The following PRKACB variants were observed in gnomAD, a reference collection of about 807,000 sequenced individuals.
The protein encoded by PRKACB is cAMP-dependent protein kinase catalytic subunit beta.
In PRKACB, 16 loss-of-function variants were observed where a neutral mutation model predicts 51.4. The observed-to-expected ratio is 0.31, with a 90% CI of 0.21 to 0.47. The LOEUF (loss-of-function observed/expected upper bound fraction) is 0.47, where lower values mean the gene tolerates loss of function less well. Ranked by LOEUF, PRKACB falls within the 20% of genes least tolerant of loss-of-function variation. The probability of loss-of-function intolerance (pLI) is 1.00; values close to 1 mark genes in which losing one functional copy is unlikely to be tolerated. For missense variants in PRKACB, 309 were observed against 464.5 expected (o/e 0.67, Z 3.08); for synonymous variants, 147 against 154.4 (o/e 0.95, Z 0.35).
intron 1 of PRKACB, among the ~76,000 whole-genome samples, chr1:84,120,888 T>G (rs1477032803): frequency 6.6e-6 from 1 of 151,864 alleles, no homozygotes; most frequent in Non-Finnish European, 1.5e-5. Flanking sequence ...TTTTTATGGT[T>G]GAAGAAACAC....
At chr1:84,088,350 C>T (rs906012336) in intron 1 of PRKACB, among the ~76,000 whole-genome samples, 2 of 152,136 alleles carry the variant, frequency 1.3e-5, no homozygotes, top group African/African-American at 2.4e-5. Flanking sequence ...CCTGTTTTCT[C>T]GATCTGGACT....
intron 1 of PRKACB, among the ~76,000 whole-genome samples, chr1:84,124,816 T>C (rs1651420653): frequency 6.6e-6 from 1 of 152,192 alleles, no homozygotes; most frequent in South Asian, 2.1e-4. Flanking sequence ...TACCTGGCTA[T>C]AGTCTTGGCT....
chr1:84,086,308 C>T (rs1647982856), intron 1 of PRKACB: 2 of 924,770 alleles, frequency 2.2e-6, no homozygotes, highest in Non-Finnish European at 3.4e-6. Flanking sequence ...CTGCCTCCCT[C>T]CTGTCTGGCC....
chr1:84,144,624 A>G, intron 1 of PRKACB, 76 bp downstream of exon 1: 1 of 1,395,086 alleles, frequency 7.2e-7, no homozygotes, highest in Non-Finnish European at 9.7e-7. Context: ...TCAAACATAA[A>G]GAACCCTCTT....
chr1:84,225,973 T>G (rs566585798), intron 9 of PRKACB, among the ~76,000 whole-genome samples: 7 of 152,354 alleles, frequency 4.6e-5, no homozygotes, highest in African/African-American at 1.7e-4. Flanking sequence ...GGTCCTTCTT[T>G]GTGGAGGAGA....
At chr1:84,087,634 C>T (rs1648118945) in intron 1 of PRKACB, among the ~76,000 whole-genome samples, 1 of 152,084 alleles carries the variant, frequency 6.6e-6, no homozygotes, top group Non-Finnish European at 1.5e-5. Flanking sequence ...TGGGCTCAGG[C>T]AGTCCTGCGT....
At chr1:84,174,926 AT>A in intron 1 of PRKACB, 1 of 1,004,840 alleles carries the variant, frequency 1.0e-6, no homozygotes, top group East Asian at 3.5e-5. Flanking sequence ...CTACATTAAC[AT>A]TTTATTTCTG....
rs1293487032 is a variant in PRKACB, at chr1:84,237,431, A to G, written c.*2126A>G. On this transcript the variant is annotated 3_prime_UTR_variant, in exon 10 of 10. Transcript: ENST00000370685. Reference sequence around the variant, plus strand: ...AAAAAGATTTCTATGAATTCTAAAAAATATTTTTTTCTATGAAATTACTAG... The same window carrying G: ...AAAAAGATTTCTATGAATTCTAAAAGATATTTTTTTCTATGAAATTACTAG... 6.6e-6 allele frequency: 1 copy of G among 152,520 alleles called. No homozygotes were observed. Among genetic ancestry groups the G allele is most frequent in the African/African-American group, 2.4e-5 (1 of 41,436 alleles). 9.4% of individuals were successfully genotyped at this position (152,520 alleles called of 1,614,324 possible).
In PRKACB at chr1:84,175,674, G is replaced by A. The variant is rs369099351; in HGVS notation, c.188-3503G>A. ...TATAAATACATTGAAAAATTTGAGG[G>A]GGGATAAGAAGTAAGTTGTGTTTTT... On this transcript the variant is annotated intron_variant, in intron 1 of 9. Coordinates refer to ENST00000370685, the MANE Select transcript of PRKACB (RefSeq NM_182948.4). 1.0e-3 allele frequency: 742 copies of A among 721,054 alleles called. 15 individuals are homozygous for A. In the South Asian group the frequency reaches 0.017, roughly 17 times the overall value. 44.7% of individuals were successfully genotyped at this position (721,054 alleles called of 1,614,324 possible).
intron 7 of PRKACB, among the ~76,000 whole-genome samples, chr1:84,200,265 G>T (rs955259300): frequency 1.1e-4 from 16 of 151,958 alleles, no homozygotes; most frequent in African/African-American, 3.9e-4. Flanking sequence ...TCATATCTTT[G>T]TTGGCCGCAT....
At chr1:84,177,784 C>T (rs1016821032) in intron 1 of PRKACB, among the ~76,000 whole-genome samples, 1 of 151,800 alleles carries the variant, frequency 6.6e-6, no homozygotes, top group African/African-American at 2.4e-5. Context: ...AAGAATTTGC[C>T]ACCCTTAATC....
chr1:84,234,726 G>C (rs1449538495), intron 9 of PRKACB, among the ~76,000 whole-genome samples: 1 of 152,200 alleles, frequency 6.6e-6, no homozygotes, highest in Admixed American at 6.5e-5. Flanking sequence ...GGAACTCCCT[G>C]ACCCCTTGCG....
chr1:84,094,084 AT>A lies in PRKACB; in HGVS notation c.46+15721del, dbSNP rs913726950. On this transcript the variant is annotated intron_variant, in intron 1 of 8. Coordinates refer to the PRKACB transcript ENST00000370688. Reference sequence around the variant, plus strand: ...AGTTTTTTCCTTTTAGTCCTTATACATTTTTTTTGCCTTATTGCACTGATTA... The same window carrying A: ...AGTTTTTTCCTTTTAGTCCTTATACATTTTTTTGCCTTATTGCACTGATTA... Among the ~76,000 whole-genome samples, 7 of 151,314 alleles carry A rather than the reference AT, an allele frequency of 4.6e-5. No individual in the cohort carries two copies. The East Asian group carries it at 5.8e-4, about 13-fold the overall frequency.
chr1:84,103,882 A>C (rs886987378), intron 1 of PRKACB, among the ~76,000 whole-genome samples: 1 of 152,218 alleles, frequency 6.6e-6, no homozygotes, highest in Admixed American at 6.5e-5. Context: ...TAGGATACAG[A>C]GTAATATTTT....
At chr1:84,083,536 C>T (rs78330882) in intron 1 of PRKACB, among the ~76,000 whole-genome samples, 11,966 of 152,168 alleles carry the variant, frequency 0.079, 668 homozygotes, top group Non-Finnish European at 0.11. Context: ...AGAAGCAGCA[C>T]GTGAGAAGGT....
intron 9 of PRKACB, among the ~76,000 whole-genome samples, chr1:84,215,676 A>C (rs1201913225): frequency 6.6e-6 from 1 of 152,164 alleles, no homozygotes; most frequent in African/African-American, 2.4e-5. Context: ...TTTTTGCTAC[A>C]CAAGTTGCCA....
chr1:84,113,850 T>C (rs1256148105), intron 1 of PRKACB, among the ~76,000 whole-genome samples: 1 of 152,016 alleles, frequency 6.6e-6, no homozygotes, highest in African/African-American at 2.4e-5. Context: ...GAATGGAAAA[T>C]GACCACAAAT....
At position 84,190,857 on chromosome 1, in the gene PRKACB, T is replaced by C. The variant is rs562818517; in HGVS notation, c.560+5675T>C. Among the ~76,000 whole-genome samples the C allele has an allele frequency of 1.4e-4, 22 of 152,222 alleles. No individual in the cohort carries two copies. In the South Asian group the frequency reaches 4.4e-3, roughly 30 times the overall value. ...TATTGTATGTAAGAATAGACTCCTA[T>C]TCTTTTTTGTTTTCCATTTCCATGG... On this transcript the variant is annotated intron_variant, in intron 5 of 9. Coordinates refer to ENST00000370685, the MANE Select transcript of PRKACB (RefSeq NM_182948.4).
intron 8 of PRKACB, among the ~76,000 whole-genome samples, chr1:84,212,455 T>G (rs955670466): frequency 6.6e-6 from 1 of 152,124 alleles, no homozygotes; most frequent in Non-Finnish European, 1.5e-5. Flanking sequence ...TTTGAGAACA[T>G]GAGAATGTAT....
Sources: allele counts gnomAD v4.1 joint callset (sites outside exome capture counted in the v4.1 genomes callset), GRCh38; gene constraint gnomAD v4.1.1; transcripts MANE v1.5; gene names NCBI Gene and HGNC (gene_info 2026-07-23, HGNC 2026-07-21).